Variants in MLXIPL observed in about 807,000 individuals in gnomAD.
The protein encoded by MLXIPL is MLX interacting protein like, also known as carbohydrate-responsive element-binding protein.
Under a neutral mutation model 81.5 loss-of-function variants are expected in MLXIPL, and 49 were observed. The observed-to-expected ratio is 0.60, with a 90% CI of 0.48 to 0.76. The LOEUF is 0.76. MLXIPL is among the 30% of genes least tolerant of loss of function. The pLI, the probability that MLXIPL is intolerant of heterozygous loss-of-function variation, is 0.00. For synonymous variants in MLXIPL, 466 were observed against 485.5 expected (o/e 0.96, Z 0.53); for missense variants, 1,053 against 1,167.0 (o/e 0.90, Z 1.42).
At chr7:73,644,876 G>A in the MLXIPL span, among the ~76,000 whole-genome samples, 1 of 152,162 alleles carries the variant, frequency 6.6e-6, no homozygotes, top group Non-Finnish European at 1.5e-5. Context: ...GCCCCATCAG[G>A]GCATCAGGCC....
the MLXIPL span, among the ~76,000 whole-genome samples, chr7:73,644,370 C>T: frequency 1.3e-5 from 2 of 152,112 alleles, no homozygotes; most frequent in Non-Finnish European, 2.9e-5. Context: ...CCAACATGCC[C>T]GGCTAATTTT....
At chr7:73,612,937 C>G (rs1358474574) in intron 2 of MLXIPL, among the ~76,000 whole-genome samples, 1 of 152,148 alleles carries the variant, frequency 6.6e-6, no homozygotes, top group Non-Finnish European at 1.5e-5. Context: ...ACAAACAACC[C>G]GAGACAATGC....
chr7:73,595,780 CA>C lies in MLXIPL; in HGVS notation c.2187-21del. 1 of 1,580,690 alleles carries C rather than the reference CA, an allele frequency of 6.3e-7. No homozygotes were observed. Among genetic ancestry groups the C allele is most frequent in the Non-Finnish European group, 8.6e-7 (1 of 1,163,234 alleles). On this transcript the variant is annotated intron_variant, in intron 14 of 16. Coordinates refer to ENST00000313375, the MANE Select transcript of MLXIPL (RefSeq NM_032951.3). ...CACAGGCTGGGGGCAGGGCAGGGGT[CA>C]GGGGCTGGGGGTAAGGCGGCATGGC...
At chr7:73,597,757 G>GCTGC in intron 8 of MLXIPL, 44 bp from the exon 9 acceptor site, 1 of 1,297,510 alleles carries the variant, frequency 7.7e-7, no homozygotes, top group East Asian at 2.8e-5. Context: ...AGGGGAGAGA[G>GCTGC]CTGCCCCTGG....
chr7:73,636,235 C>A, the MLXIPL span, among the ~76,000 whole-genome samples: 1 of 151,960 alleles, frequency 6.6e-6, no homozygotes, highest in Non-Finnish European at 1.5e-5. Flanking sequence ...TATGGTGAAA[C>A]CCCATCTCTA....
chr7:73,598,718 G>A (rs1176087685), intron 8 of MLXIPL, among the ~76,000 whole-genome samples: 6 of 152,136 alleles, frequency 3.9e-5, no homozygotes, highest in African/African-American at 1.4e-4. Context: ...GGAGCTCACT[G>A]TCTGATGGAG....
At chr7:73,630,736 C>T in the MLXIPL span, among the ~76,000 whole-genome samples, 3 of 152,198 alleles carry the variant, frequency 2.0e-5, no homozygotes, top group Non-Finnish European at 4.4e-5. Context: ...ACTCAAAGGG[C>T]TGGCCATTGT....
intron 15 of MLXIPL, 132 bp from the exon 16 acceptor site, chr7:73,594,535 T>A: frequency 8.9e-7 from 1 of 1,118,108 alleles, no homozygotes; most frequent in Non-Finnish European, 1.3e-6. Context: ...ATGACTCATG[T>A]TGCAGCCCCT....
the MLXIPL span, among the ~76,000 whole-genome samples, chr7:73,631,946 CTCTTTTCTTT>C: frequency 1.0e-5 from 1 of 98,744 alleles, no homozygotes. Flanking sequence ...CTCTTCTTTT[CTCTTTTCTTT>C]TCTTTTCTTT....
At chr7:73,619,321 C>T (rs1480987535) in intron 1 of MLXIPL, among the ~76,000 whole-genome samples, 2 of 151,978 alleles carry the variant, frequency 1.3e-5, no homozygotes, top group African/African-American at 4.8e-5. Context: ...ATTAGCCGGA[C>T]GTGGTGGCAG....
At chr7:73,607,868 T>G (rs1274262349) in intron 2 of MLXIPL, among the ~76,000 whole-genome samples, 196 bp from the exon 3 acceptor site, 1 of 148,378 alleles carries the variant, frequency 6.7e-6, no homozygotes, top group Non-Finnish European at 1.5e-5. Context: ...TTTTTTTTTT[T>G]TTTTGGAGAT....
intron 2 of MLXIPL, chr7:73,610,455 T>C (rs1365009999): frequency 6.6e-6 from 1 of 152,524 alleles, no homozygotes; most frequent in Non-Finnish European, 1.5e-5. Context: ...CACCACTTGC[T>C]TCTCTCAGCA....
rs2116534281 is a variant in MLXIPL at position 73,623,323 on chromosome 7, G to T, written c.293+877C>A. On this transcript the variant is annotated intron_variant, in intron 1 of 16. Transcript: ENST00000313375. This position sits in a 1 kb window ranked among gnomAD's most constrained non-coding sequence, Gnocchi z 5.7. ...GGCCGATCCCCCTTTCTCCCCTACG[G>T]GTTTTCGGTTGATAATTTATACTGG... Among the ~76,000 whole-genome samples the T allele has an allele frequency of 6.6e-6, 1 of 152,346 alleles. No homozygotes were observed. The highest frequency in any genetic ancestry group is 1.9e-4 in the East Asian group (1 of 5,186).
At chr7:73,633,299 G>T in the MLXIPL span, among the ~76,000 whole-genome samples, 1 of 149,700 alleles carries the variant, frequency 6.7e-6, no homozygotes, top group Non-Finnish European at 1.5e-5. Context: ...AACCAGGATG[G>T]TCTCAATCTC....
the MLXIPL span, among the ~76,000 whole-genome samples, chr7:73,646,732 C>T: frequency 1.3e-5 from 2 of 152,184 alleles, no homozygotes; most frequent in Non-Finnish European, 2.9e-5. Flanking sequence ...CTGGGGCGGA[C>T]CTGAGATTCC....
At chr7:73,644,424 G>A in the MLXIPL span, among the ~76,000 whole-genome samples, 1 of 152,188 alleles carries the variant, frequency 6.6e-6, no homozygotes, top group Admixed American at 6.5e-5. Context: ...TGGCCAGGCT[G>A]GTCTTGAACT....
At chr7:73,602,376 A>T (rs1271305758) in intron 7 of MLXIPL, among the ~76,000 whole-genome samples, 2 of 150,342 alleles carry the variant, frequency 1.3e-5, no homozygotes, top group Non-Finnish European at 3.0e-5. Flanking sequence ...GCCTTTCTTT[A>T]AAAGGGGGAC....
intron 7 of MLXIPL, among the ~76,000 whole-genome samples, chr7:73,602,118 G>T (rs151099427): frequency 0.029 from 1,418 of 48,834 alleles, 8 homozygotes; most frequent in Admixed American, 0.039. Context: ...CTGCCTGCCT[G>T]CCTGCCTGCC....
chr7:73,602,173 CCT>C (rs1191395966), intron 7 of MLXIPL, among the ~76,000 whole-genome samples: 11 of 27,442 alleles, frequency 4.0e-4, no homozygotes, highest in African/African-American at 1.3e-3. Context: ...CCTTTCTTTC[CCT>C]CTCTCTCTTT....
Sources: gnomAD v4.1 joint callset for allele counts (sites outside exome capture counted in the v4.1 genomes callset) on GRCh38, gnomAD v4.1.1 for gene constraint, Gnocchi (gnomAD v3.1) non-coding constraint, MANE v1.5 for transcripts, NCBI Gene and HGNC (gene_info 2026-07-23, HGNC 2026-07-21) for gene names.